GTF2E2: variants seen among roughly 807,000 people sequenced by gnomAD.
GTF2E2 encodes general transcription factor IIE subunit 2.
Under a neutral mutation model 40.5 loss-of-function variants are expected in GTF2E2, and 21 were observed. The observed-to-expected ratio is 0.52, with a 90% CI of 0.37 to 0.75. GTF2E2 has a LOEUF of 0.75. GTF2E2 is among the 30% of genes least tolerant of loss of function. The pLI is 0.00. For synonymous variants in GTF2E2, 117 were observed against 121.6 expected (o/e 0.96, Z 0.25); for missense variants, 298 against 338.4 (o/e 0.88, Z 0.94).
intron 5 of GTF2E2, 52 bp downstream of exon 5, chr8:30,612,247 A>T (rs899163121): frequency 7.1e-6 from 8 of 1,120,516 alleles, no homozygotes; most frequent in Admixed American, 4.0e-5. Flanking sequence ...AAAACCAAGA[A>T]GTCATTATTC....
At chr8:30,589,271 T>A (rs1828770737) in intron 6 of GTF2E2, among the ~76,000 whole-genome samples, 1 of 152,080 alleles carries the variant, frequency 6.6e-6, no homozygotes, top group Non-Finnish European at 1.5e-5. Context: ...AAGAAAAAAG[T>A]ATTGGCATGG....
intron 2 of GTF2E2, among the ~76,000 whole-genome samples, chr8:30,642,543 C>T (rs1157009530): frequency 1.3e-5 from 2 of 152,056 alleles, no homozygotes; most frequent in Non-Finnish European, 2.9e-5. Context: ...GGTTAAGAAG[C>T]CTCAAACATA....
chr8:30,650,927 C>T lies in GTF2E2; in HGVS notation c.166+2506G>A, dbSNP rs561749180. On this transcript the variant is annotated intron_variant, in intron 2 of 7. Coordinates refer to ENST00000355904, the MANE Select transcript of GTF2E2 (RefSeq NM_002095.6). ...TACTAGGGAGGCTGAGGCAGGAGAACAGCATGAACCCGGGAAGTGGAGCTT... is the reference window on the plus strand; with the variant it reads ...TACTAGGGAGGCTGAGGCAGGAGAATAGCATGAACCCGGGAAGTGGAGCTT... Among the ~76,000 whole-genome samples the T allele has an allele frequency of 6.0e-5, 9 of 150,038 alleles. 1 individual carries two copies. Among genetic ancestry groups the T allele is most frequent in the African/African-American group, 1.2e-4 (5 of 40,784 alleles).
intron 3 of GTF2E2, among the ~76,000 whole-genome samples, chr8:30,620,243 C>CAAACACACAA (rs1554557289): frequency 6.7e-6 from 1 of 150,192 alleles, no homozygotes; most frequent in Non-Finnish European, 1.5e-5. Flanking sequence ...CACACAAACA[C>CAAACACACAA]ACACACACAC....
chr8:30,625,355 T>A (rs1472478931), intron 3 of GTF2E2, among the ~76,000 whole-genome samples: 2 of 151,994 alleles, frequency 1.3e-5, no homozygotes, highest in Non-Finnish European at 2.9e-5. Flanking sequence ...CATCCCAGGG[T>A]GAAATCTAGG....
chr8:30,579,124 G>C (rs1415589428), intron 7 of GTF2E2, 87 bp from the exon 8 acceptor site: 2 of 775,084 alleles, frequency 2.6e-6, no homozygotes, highest in Admixed American at 3.5e-5. Flanking sequence ...CCAGATGCCA[G>C]TGGCTGAGGA....
intron 3 of GTF2E2, among the ~76,000 whole-genome samples, chr8:30,620,917 A>G (rs62505303): frequency 0.21 from 31,226 of 151,244 alleles, 4,208 homozygotes; most frequent in South Asian, 0.33. Flanking sequence ...AAACAGAGTG[A>G]TATTACATCT....
chr8:30,653,583 A>G lies in GTF2E2; in HGVS notation c.16T>C (p.Leu6=). 6.2e-7 allele frequency: 1 copy of G among 1,613,026 alleles called. No individual in the cohort carries two copies. The highest frequency in any genetic ancestry group is 8.5e-7 in the Non-Finnish European group (1 of 1,179,454). The change falls in exon 2 of 8, where the codon TTG becomes CTG. Residue 6 remains leucine, a synonymous_variant. Coordinates refer to ENST00000355904, the MANE Select transcript of GTF2E2 (RefSeq NM_002095.6). MDPSL[L]RERELFKKRA... Reference sequence around the variant, plus strand: ...TTTTTGAACAGCTCCCTTTCTCTCAACAGGCTTGGATCCATAATGCTACAA... The same window carrying G: ...TTTTTGAACAGCTCCCTTTCTCTCAGCAGGCTTGGATCCATAATGCTACAA...
intron 3 of GTF2E2, among the ~76,000 whole-genome samples, chr8:30,621,166 A>G (rs1345472809): frequency 6.6e-6 from 1 of 152,032 alleles, no homozygotes; most frequent in Non-Finnish European, 1.5e-5. Context: ...TCCCCATTAC[A>G]ATCAAGTACA....
chr8:30,603,983 C>T (rs1362988790), intron 6 of GTF2E2, among the ~76,000 whole-genome samples: 1 of 151,956 alleles, frequency 6.6e-6, no homozygotes, highest in East Asian at 1.9e-4. Flanking sequence ...AATTGACTTG[C>T]AAGATAGAAA....
At chr8:30,627,179 G>C (rs1563496651) in intron 3 of GTF2E2, among the ~76,000 whole-genome samples, 1 of 152,052 alleles carries the variant, frequency 6.6e-6, no homozygotes, top group Non-Finnish European at 1.5e-5. Flanking sequence ...GATGCTAAGA[G>C]GTTTAATAAA....
intron 3 of GTF2E2, among the ~76,000 whole-genome samples, chr8:30,626,465 C>G (rs575538788): frequency 6.6e-6 from 1 of 152,140 alleles, no homozygotes; most frequent in Admixed American, 6.5e-5. Flanking sequence ...ATCCTGATGA[C>G]AGAGCGAGAC....
intron 3 of GTF2E2, among the ~76,000 whole-genome samples, chr8:30,617,498 T>C (rs909433404): frequency 2.6e-5 from 4 of 151,922 alleles, no homozygotes; most frequent in African/African-American, 4.8e-5. Context: ...TCCCAGCAAA[T>C]TGGAAGGTCA....
At chr8:30,646,627 A>G (rs1297980273) in intron 2 of GTF2E2, among the ~76,000 whole-genome samples, 1 of 152,162 alleles carries the variant, frequency 6.6e-6, no homozygotes, top group Non-Finnish European at 1.5e-5. Context: ...CAAAATAACA[A>G]AAAATTGAAA....
chr8:30,619,387 T>C (rs1453519600), intron 3 of GTF2E2, among the ~76,000 whole-genome samples: 3 of 141,922 alleles, frequency 2.1e-5, no homozygotes, highest in Non-Finnish European at 4.6e-5. Context: ...TTGCATAAAC[T>C]GACTTTTTTT....
Position 30,636,164 on chromosome 8 carries a change from A to C in GTF2E2, c.167-1041T>G, listed in dbSNP as rs954308162. On this transcript the variant is annotated intron_variant, in intron 2 of 7. Coordinates refer to ENST00000355904, the MANE Select transcript of GTF2E2 (RefSeq NM_002095.6). ...GAAACCCTAATGTCACCACTGCATC[A>C]CAAATGCATTCCATTAGTCATAACC... 2.0e-5 allele frequency among the ~76,000 whole-genome samples: 3 copies of C among 152,102 alleles called. No individual in the cohort carries two copies. The East Asian group carries it at 5.8e-4, about 29-fold the overall frequency.
Position 30,648,584 on chromosome 8 carries a change from T to C in GTF2E2, c.166+4849A>G, listed in dbSNP as rs184020795. ...ACATAACTTTGGCCAATGAGTGACT[T>C]GTGACTAACTCTGGCCAATGAGCTG... On this transcript the variant is annotated intron_variant, in intron 2 of 7. Transcript: ENST00000355904. 6.6e-5 allele frequency among the ~76,000 whole-genome samples: 10 copies of C among 152,340 alleles called. No individual in the cohort carries two copies. The East Asian group carries it at 1.9e-3, about 29-fold the overall frequency.
chr8:30,579,150 C>A (rs1828437905), intron 7 of GTF2E2, 113 bp from the exon 8 acceptor site: 2 of 701,080 alleles, frequency 2.9e-6, no homozygotes, highest in Non-Finnish European at 5.2e-6. Flanking sequence ...GGTTCGGACC[C>A]TTCTCCTGCT....
At chr8:30,622,781 TC>T (rs1240473478) in intron 3 of GTF2E2, among the ~76,000 whole-genome samples, 1 of 152,044 alleles carries the variant, frequency 6.6e-6, no homozygotes, top group African/African-American at 2.4e-5. Context: ...GCGATATTTC[TC>T]CCATTTGCTT....
Sources: allele counts gnomAD v4.1 joint callset (sites outside exome capture counted in the v4.1 genomes callset), GRCh38; gene constraint gnomAD v4.1.1; transcripts MANE v1.5; gene names NCBI Gene and HGNC (gene_info 2026-07-23, HGNC 2026-07-21).